SGCZ: variants seen among roughly 807,000 people sequenced by gnomAD.
The protein encoded by SGCZ is zeta-sarcoglycan.
A neutral mutation model predicts 41.3 loss-of-function variants in SGCZ; 40 were observed. That is an observed-to-expected ratio of 0.97 (90% CI 0.75 to 1.26). SGCZ has a LOEUF of 1.26. Ranked by LOEUF, SGCZ falls within the 50% of genes most tolerant of loss-of-function variation. The pLI, the probability that SGCZ is intolerant of heterozygous loss-of-function variation, is 0.00. For synonymous variants in SGCZ, 206 were observed against 137.5 expected, an observed-to-expected ratio of 1.50 and a Z score of -3.49; for missense variants, 552 against 369.8, an observed-to-expected ratio of 1.49 and a Z score of -4.04.
At chr8:14,252,803 T>C (rs1289784911) in intron 3 of SGCZ, among the ~76,000 whole-genome samples, 1 of 152,208 alleles carries the variant, frequency 6.6e-6, no homozygotes, top group African/African-American at 2.4e-5. Flanking sequence ...GTGCCAGTTG[T>C]CTCTAAGGGA....
intron 1 of SGCZ, among the ~76,000 whole-genome samples, chr8:14,660,926 A>G (rs1007672997): frequency 1.3e-5 from 2 of 152,176 alleles, no homozygotes; most frequent in African/African-American, 4.8e-5. Flanking sequence ...GTTTAGGCTC[A>G]AATCTGAAGA....
intron 1 of SGCZ, among the ~76,000 whole-genome samples, chr8:14,786,027 C>T (rs1800755917): frequency 7.6e-6 from 1 of 131,978 alleles, no homozygotes; most frequent in Admixed American, 7.1e-5. Context: ...AGAGATATAT[C>T]CCCTTTATTT....
At chr8:14,481,429 G>A (rs1002520604) in intron 2 of SGCZ, among the ~76,000 whole-genome samples, 1 of 152,114 alleles carries the variant, frequency 6.6e-6, no homozygotes, top group Non-Finnish European at 1.5e-5. Context: ...CATGCAATAA[G>A]TTTCAAAGTC....
At chr8:15,071,411 T>G (rs1253879845) in intron 1 of SGCZ, among the ~76,000 whole-genome samples, 3 of 152,186 alleles carry the variant, frequency 2.0e-5, no homozygotes, top group Non-Finnish European at 2.9e-5. Flanking sequence ...AAACCTATGT[T>G]CTACTCACAA....
intron 1 of SGCZ, among the ~76,000 whole-genome samples, chr8:14,894,687 C>A (rs1805129763): frequency 6.6e-6 from 1 of 152,028 alleles, no homozygotes; most frequent in Non-Finnish European, 1.5e-5. Context: ...CAAATATGGT[C>A]AAATGAAATA....
intron 3 of SGCZ, among the ~76,000 whole-genome samples, chr8:14,304,459 T>G (rs1801288191): frequency 6.6e-6 from 1 of 152,052 alleles, no homozygotes; most frequent in Non-Finnish European, 1.5e-5. Context: ...CCAGGCATGG[T>G]GGCACATGCC....
rs562933715 is a variant in SGCZ at position 15,205,726 on chromosome 8, C to T, written c.39+31859G>A. 3.9e-5 allele frequency among the ~76,000 whole-genome samples: 6 copies of T among 152,234 alleles called. No individual in the cohort carries two copies. The East Asian group carries it at 1.2e-3, about 29-fold the overall frequency. On this transcript the variant is annotated intron_variant, in intron 1 of 7. Coordinates refer to ENST00000382080, the MANE Select transcript of SGCZ (RefSeq NM_139167.4). ...TGGCAATTACTCAAAGAGCTAAAAGCAGAACTACCATTCGCCTCAGCAATC... is the reference window on the plus strand; with the variant it reads ...TGGCAATTACTCAAAGAGCTAAAAGTAGAACTACCATTCGCCTCAGCAATC...
intron 4 of SGCZ, among the ~76,000 whole-genome samples, chr8:14,218,385 C>CT (rs1223080409): frequency 6.6e-6 from 1 of 152,112 alleles, no homozygotes; most frequent in African/African-American, 2.4e-5. Flanking sequence ...TGTTCATGTT[C>CT]TTTTTCAGAA....
chr8:14,285,701 A>G (rs963039821), intron 3 of SGCZ, among the ~76,000 whole-genome samples: 4 of 152,128 alleles, frequency 2.6e-5, no homozygotes, highest in African/African-American at 9.7e-5. Flanking sequence ...AGTTGTACAG[A>G]AACCAGGGGA....
At chr8:15,018,863 G>A (rs1372169309) in intron 1 of SGCZ, among the ~76,000 whole-genome samples, 1 of 152,194 alleles carries the variant, frequency 6.6e-6, no homozygotes, top group Non-Finnish European at 1.5e-5. Flanking sequence ...GAGATCTCAG[G>A]AAACTTACAA....
chr8:14,306,261 A>T (rs185321670), intron 3 of SGCZ, among the ~76,000 whole-genome samples: 1 of 152,358 alleles, frequency 6.6e-6, no homozygotes, highest in East Asian at 1.9e-4. Context: ...CAATAACATT[A>T]TAGATGGACA....
chr8:14,766,887 T>G (rs1440212105), intron 1 of SGCZ, among the ~76,000 whole-genome samples: 1 of 152,002 alleles, frequency 6.6e-6, no homozygotes, highest in Non-Finnish European at 1.5e-5. Flanking sequence ...CTGATTTACT[T>G]TTAATAGAAT....
chr8:14,233,083 C>G (rs181975674), intron 4 of SGCZ, among the ~76,000 whole-genome samples: 1 of 152,006 alleles, frequency 6.6e-6, no homozygotes, highest in African/African-American at 2.4e-5. Flanking sequence ...ACAAAACGAA[C>G]AAATAAACAA....
chr8:14,462,218 A>G (rs1183418052), intron 2 of SGCZ, among the ~76,000 whole-genome samples: 1 of 151,982 alleles, frequency 6.6e-6, no homozygotes, highest in South Asian at 2.1e-4. Flanking sequence ...ACTTTTGTGA[A>G]GAAGACCTAA....
chr8:14,386,049 G>A lies in SGCZ; in HGVS notation c.235-61845C>T, dbSNP rs533259442. ...TATTATTCTTTATTGTTTATTGTGG[G>A]GTTTTGTTTTTATTTTCTAAATATT... is the stretch of plus-strand genomic sequence containing the variant. On this transcript the variant is annotated intron_variant, in intron 2 of 7. Coordinates refer to ENST00000382080, the MANE Select transcript of SGCZ (RefSeq NM_139167.4). Among the ~76,000 whole-genome samples, 6 of 151,824 alleles carry A rather than the reference G, an allele frequency of 4.0e-5. No homozygotes were observed. In the South Asian group the frequency reaches 1.3e-3, roughly 32 times the overall value.
chr8:14,832,198 T>C (rs1802556589), intron 1 of SGCZ, among the ~76,000 whole-genome samples: 2 of 152,210 alleles, frequency 1.3e-5, no homozygotes, highest in Non-Finnish European at 2.9e-5. Context: ...TTTAGAAGGA[T>C]CACATTCTAA....
chr8:15,087,325 AG>A (rs1317261581), intron 1 of SGCZ, among the ~76,000 whole-genome samples: 4 of 152,130 alleles, frequency 2.6e-5, no homozygotes, highest in African/African-American at 4.8e-5. Context: ...TGACTTTTCT[AG>A]TATTTCCTGT....
At chr8:14,784,485 G>C (rs543497869) in intron 1 of SGCZ, among the ~76,000 whole-genome samples, 1 of 151,970 alleles carries the variant, frequency 6.6e-6, no homozygotes, top group Non-Finnish European at 1.5e-5. Context: ...AATAGATCTG[G>C]ATCAGCTATA....
intron 1 of SGCZ, among the ~76,000 whole-genome samples, chr8:14,974,903 G>A (rs1801415090): frequency 6.6e-6 from 1 of 150,660 alleles, no homozygotes; most frequent in South Asian, 2.1e-4. Flanking sequence ...ACATCACTCT[G>A]CCTCCAATCT....
Sources: gnomAD v4.1 joint callset for allele counts (sites outside exome capture counted in the v4.1 genomes callset) on GRCh38, gnomAD v4.1.1 for gene constraint, MANE v1.5 for transcripts, NCBI Gene and HGNC (gene_info 2026-07-23, HGNC 2026-07-21) for gene names.